The following UEVLD variants were observed in gnomAD, a reference collection of about 807,000 sequenced individuals.
The protein encoded by UEVLD is ubiquitin-conjugating enzyme E2 variant 3.
In UEVLD, 47 loss-of-function variants were observed where a neutral mutation model predicts 58.6. That is an observed-to-expected ratio of 0.80 (90% CI 0.63 to 1.02). The LOEUF (loss-of-function observed/expected upper bound fraction) is 1.02. UEVLD is among the 50% of genes least tolerant of loss of function. The pLI is 0.00. For missense variants in UEVLD, 510 were observed against 550.6 expected (o/e 0.93, Z 0.74); for synonymous variants, 197 against 195.3 (o/e 1.01, Z -0.07).
At chr11:18,565,052 A>C in intron 5 of UEVLD, 42 bp from the exon 6 acceptor site, 2 of 1,465,782 alleles carry the variant, frequency 1.4e-6, no homozygotes, top group Non-Finnish European at 9.4e-7. Context: ...CAAAAATATC[A>C]AGAATTTTTT....
intron 1 of UEVLD, 133 bp downstream of exon 1, chr11:18,588,480 T>G: frequency 9.1e-7 from 1 of 1,102,482 alleles, no homozygotes; most frequent in South Asian, 1.6e-5. Context: ...CCATAGCCGG[T>G]TTCAGACCAG....
At chr11:18,578,068 T>C (rs574349086) in intron 2 of UEVLD, among the ~76,000 whole-genome samples, 1 of 152,268 alleles carries the variant, frequency 6.6e-6, no homozygotes, top group South Asian at 2.1e-4. Context: ...TATGTCACCT[T>C]ACTTGGCAAA....
In UEVLD at chr11:18,546,939, A is replaced by G; in HGVS notation, c.827T>C (p.Leu276Pro). ...VQSNVDMFRALVPALGHYSQH... is the reference protein window; with the variant it reads ...VQSNVDMFRAPVPALGHYSQH... The stretch of plus-strand genomic sequence containing the variant: ...ACTATAATGTCCCAGAGCTGGGACA[A>G]GGGCTCTGAACATATCCACATTGCT... Residue 276 changes from leucine to proline, a missense_variant, in exon 8 of 12, where the codon CTT (leucine) becomes CCT (proline). By Grantham distance (98) the Leu-to-Pro change is moderately conservative (BLOSUM62 -3). Transcript: ENST00000396197. 1 of 1,614,114 alleles carries G rather than the reference A, an allele frequency of 6.2e-7. No homozygotes were observed. The highest frequency in any genetic ancestry group is 8.5e-7 in the Non-Finnish European group (1 of 1,180,004).
chr11:18,539,429 A>C (rs1387890714), intron 9 of UEVLD, among the ~76,000 whole-genome samples: 2 of 152,190 alleles, frequency 1.3e-5, no homozygotes, highest in Non-Finnish European at 2.9e-5. Context: ...ATATAAATAC[A>C]TATGGACAAC....
intron 9 of UEVLD, among the ~76,000 whole-genome samples, chr11:18,537,891 T>TA (rs1850878592): frequency 6.6e-6 from 1 of 151,004 alleles, no homozygotes; most frequent in African/African-American, 2.4e-5. Flanking sequence ...TTGAACTCCT[T>TA]ACCTCAGGTG....
intron 6 of UEVLD, among the ~76,000 whole-genome samples, chr11:18,561,945 A>G (rs1852056945): frequency 6.6e-6 from 1 of 152,040 alleles, no homozygotes; most frequent in South Asian, 2.1e-4. Context: ...CTGGTACCTA[A>G]TAAGCATTGT....
At chr11:18,569,505 T>G (rs1852481097) in intron 4 of UEVLD, among the ~76,000 whole-genome samples, 1 of 152,186 alleles carries the variant, frequency 6.6e-6, no homozygotes, top group Admixed American at 6.5e-5. Context: ...ATTACGGAAG[T>G]ATCAAAGATA....
At chr11:18,539,829 G>A (rs996211489) in intron 9 of UEVLD, among the ~76,000 whole-genome samples, 11 of 152,306 alleles carry the variant, frequency 7.2e-5, no homozygotes, top group Admixed American at 2.0e-4. Context: ...AATGGGAGAC[G>A]ATGAAGCAGG....
chr11:18,548,749 T>G (rs1851399423), intron 7 of UEVLD, among the ~76,000 whole-genome samples: 1 of 152,218 alleles, frequency 6.6e-6, no homozygotes, highest in Non-Finnish European at 1.5e-5. Flanking sequence ...TAAACAAGTT[T>G]CAGAAGGAAA....
rs1590302636 is a variant in UEVLD at position 18,534,374 on chromosome 11, C to T, written c.1204G>A (p.Val402Ile). ...GAATGCACTTTCTTCTTATTGTTTA[C>T]AATACTGTCAACCATGTCAGCTACT... is the stretch of plus-strand genomic sequence containing the variant. ...LSVADMVDSI[V>I]NNKKKVHSVS... Residue 402 changes from valine (V) to isoleucine (I), a missense_variant, in exon 11 of 12, where the codon GTA becomes ATA. Physicochemically the swap from Val to Ile is conservative, Grantham distance 29 (BLOSUM62 3). Coordinates refer to ENST00000396197, the MANE Select transcript of UEVLD (RefSeq NM_001040697.4). The T allele has an allele frequency of 6.4e-7, 1 of 1,570,062 alleles. No individual in the cohort carries two copies. Among genetic ancestry groups the T allele is most frequent in the African/African-American group, 1.4e-5 (1 of 72,558 alleles).
At position 18,534,416 on chromosome 11, in the gene UEVLD, A is replaced by G. The variant is rs1272478242; in HGVS notation, c.1162T>C (p.Trp388Arg). 3 of 1,578,506 alleles carry G rather than the reference A, an allele frequency of 1.9e-6. No homozygotes were observed. The highest frequency in any genetic ancestry group is 2.6e-6 in the Non-Finnish European group (3 of 1,169,446). The change falls in exon 11 of 12, where the codon TGG becomes CGG. Residue 388 changes from tryptophan to arginine, a missense_variant. Transcript: ENST00000396197. Reference protein sequence around the residue: ...ELLRVKGQRSWSVGLSVADMV... With the variant: ...ELLRVKGQRSRSVGLSVADMV... ...TCAGCTACTGATAGTCCAACAGACC[A>G]GGATCTTTGACCTTTTACTCTTAGC...
intron 4 of UEVLD, among the ~76,000 whole-genome samples, chr11:18,568,884 C>G (rs988222658): frequency 6.6e-6 from 1 of 152,064 alleles, no homozygotes; most frequent in Non-Finnish European, 1.5e-5. Flanking sequence ...TACTAGCTTT[C>G]TGGTACATAT....
intron 3 of UEVLD, among the ~76,000 whole-genome samples, chr11:18,571,251 G>GCACA (rs1240486570): frequency 3.3e-5 from 5 of 152,118 alleles, no homozygotes; most frequent in African/African-American, 1.2e-4. Flanking sequence ...GGGGGCTGAG[G>GCACA]CACAAGAATG....
intron 11 of UEVLD, among the ~76,000 whole-genome samples, chr11:18,533,186 C>T (rs748824251): frequency 7.2e-5 from 11 of 151,850 alleles, no homozygotes; most frequent in Non-Finnish European, 1.5e-4. Context: ...GGCCACCACA[C>T]CCAGCTTCTT....
intron 4 of UEVLD, 97 bp from the exon 5 acceptor site, chr11:18,566,579 C>T: frequency 7.6e-6 from 10 of 1,310,362 alleles, no homozygotes; most frequent in Non-Finnish European, 1.0e-5. Context: ...CCAGGAGTTT[C>T]AGATGCAGTG....
intron 11 of UEVLD, 151 bp downstream of exon 11, chr11:18,534,179 G>C (rs1014534433): frequency 3.7e-6 from 2 of 547,528 alleles, no homozygotes; most frequent in African/African-American, 4.0e-5. Context: ...GCAGGATAGG[G>C]CTTAAACTAA....
At position 18,531,790 on chromosome 11, in the gene UEVLD, T is replaced by C. The variant is rs1444134975; in HGVS notation, c.*530A>G. On this transcript the variant is annotated 3_prime_UTR_variant, in exon 12 of 12. Coordinates refer to ENST00000396197, the MANE Select transcript of UEVLD (RefSeq NM_001040697.4). ...GCATGTAAAATTCTTTTCCATTTTT[T>C]GGTAGGTAATTAATTTGAAGAAGGG... The C allele has an allele frequency of 6.6e-6, 1 of 152,224 alleles. No individual in the cohort carries two copies. Among genetic ancestry groups the C allele is most frequent in the African/African-American group, 2.4e-5 (1 of 41,460 alleles). The allele number at this position is 152,224 out of a possible 1,614,324, so 9.4% of individuals were successfully genotyped here.
Position 18,578,786 on chromosome 11 carries a change from A to C in UEVLD, c.65T>G (p.Val22Gly), listed in dbSNP as rs748518431. 2.5e-6 allele frequency: 4 copies of C among 1,607,952 alleles called. No homozygotes were observed. The African/African-American group carries it at 5.3e-5, about 22-fold the overall frequency. Residue 22 changes from valine (V) to glycine (G), a missense_variant, in exon 2 of 12, where the codon GTG becomes GGG. Coordinates refer to ENST00000396197, the MANE Select transcript of UEVLD (RefSeq NM_001040697.4). ...TACATTTACATTCCTTAGTTCTTCC[A>C]CAGTTAGGTCCCTGAACTTGTACTG... ...LGKYKFRDLT[V>G]EELRNVNVFF...
At chr11:18,544,987 TACAC>T (rs200135636) in intron 8 of UEVLD, among the ~76,000 whole-genome samples, 191 bp from the exon 9 acceptor site, 5 of 139,442 alleles carry the variant, frequency 3.6e-5, no homozygotes, top group African/African-American at 1.1e-4. Context: ...CACACATACA[TACAC>T]ACATATATAT....
Sources: allele counts gnomAD v4.1 joint callset (sites outside exome capture counted in the v4.1 genomes callset), GRCh38; gene constraint gnomAD v4.1.1; transcripts MANE v1.5; gene names NCBI Gene and HGNC (gene_info 2026-07-23, HGNC 2026-07-21).